The following RFX3 variants were observed in gnomAD, a reference collection of about 807,000 sequenced individuals.
RFX3 encodes the protein transcription factor RFX3.
Under a neutral mutation model 98.6 loss-of-function variants are expected in RFX3, and 14 were observed. That is an observed-to-expected ratio of 0.14 (90% CI 0.09 to 0.22). The LOEUF is 0.22. Ranked by LOEUF, RFX3 falls within the 10% of genes least tolerant of loss-of-function variation. RFX3 has a pLI of 1.00. For synonymous variants in RFX3, 383 were observed against 328.4 expected (o/e 1.17, Z -1.80); for missense variants, 639 against 926.9 (o/e 0.69, Z 4.03).
chr9:3,394,941 A>G, intron 2 of RFX3: 1 of 475,192 alleles, frequency 2.1e-6, no homozygotes, highest in African/African-American at 2.1e-5. Context: ...CTTTTTAAAT[A>G]GCTTGAGTCA....
At chr9:3,447,884 T>C (rs1846187821) in intron 1 of RFX3, among the ~76,000 whole-genome samples, 1 of 152,182 alleles carries the variant, frequency 6.6e-6, no homozygotes. Context: ...TAAAAGTCCC[T>C]TGTCTGCTTG....
intron 1 of RFX3, among the ~76,000 whole-genome samples, chr9:3,522,745 T>C (rs1303440569): frequency 6.6e-6 from 1 of 152,138 alleles, no homozygotes; most frequent in Non-Finnish European, 1.5e-5. Context: ...TCTCAAGAAA[T>C]GAAAAATGTT....
chr9:3,524,980 G>C (rs978986503), intron 1 of RFX3, among the ~76,000 whole-genome samples: 2 of 151,402 alleles, frequency 1.3e-5, no homozygotes, highest in African/African-American at 4.9e-5. Context: ...ATGTGTGCAA[G>C]GGGTGTGTGG....
chr9:3,252,090 C>T (rs552994139), intron 14 of RFX3, among the ~76,000 whole-genome samples: 82 of 151,658 alleles, frequency 5.4e-4, no homozygotes, highest in African/African-American at 1.9e-3. Flanking sequence ...TCAGGTGATC[C>T]GCCCACCTCG....
At chr9:3,472,042 A>C (rs1233395327) in intron 1 of RFX3, among the ~76,000 whole-genome samples, 2 of 152,116 alleles carry the variant, frequency 1.3e-5, no homozygotes, top group Non-Finnish European at 2.9e-5. Context: ...CTTTTTTTGG[A>C]CTTTATCAGT....
intron 3 of RFX3, among the ~76,000 whole-genome samples, chr9:3,338,580 C>T (rs749136166): frequency 3.9e-5 from 6 of 152,200 alleles, no homozygotes; most frequent in Middle Eastern, 6.8e-3. Context: ...CAGAATCACC[C>T]GGAGTGCCTG....
At chr9:3,480,918 T>G (rs1849705757) in intron 1 of RFX3, among the ~76,000 whole-genome samples, 1 of 152,162 alleles carries the variant, frequency 6.6e-6, no homozygotes, top group African/African-American at 2.4e-5. Flanking sequence ...TCAACCTAGC[T>G]AGGCTCCATT....
chr9:3,331,646 C>CT (rs1563939160), intron 3 of RFX3, among the ~76,000 whole-genome samples: 2 of 151,876 alleles, frequency 1.3e-5, no homozygotes, highest in South Asian at 4.1e-4. Context: ...CCACTTTTTG[C>CT]TTTTTACCAT....
intron 2 of RFX3, among the ~76,000 whole-genome samples, chr9:3,392,856 A>T (rs956192980): frequency 6.6e-6 from 1 of 152,196 alleles, no homozygotes; most frequent in African/African-American, 2.4e-5. Flanking sequence ...GTTTTACAGG[A>T]AAGGAAGGTA....
chr9:3,463,168 G>A (rs867085826), intron 1 of RFX3, among the ~76,000 whole-genome samples: 2 of 152,088 alleles, frequency 1.3e-5, no homozygotes, highest in South Asian at 4.1e-4. Context: ...CAAGAAAATA[G>A]GGTATTGTCA....
At chr9:3,244,717 C>A (rs535371116) in intron 15 of RFX3, among the ~76,000 whole-genome samples, 20 of 152,324 alleles carry the variant, frequency 1.3e-4, no homozygotes, top group African/African-American at 4.8e-4. Context: ...CCCTGGTCCT[C>A]CCAGGCTAGA....
intron 1 of RFX3, among the ~76,000 whole-genome samples, chr9:3,437,131 G>T (rs778636732): frequency 1.3e-5 from 2 of 152,042 alleles, no homozygotes; most frequent in Non-Finnish European, 2.9e-5. Context: ...CCACATTAAT[G>T]AAAGGAAAAT....
At chr9:3,231,270 C>G (rs888105126) in intron 15 of RFX3, among the ~76,000 whole-genome samples, 8 of 152,104 alleles carry the variant, frequency 5.3e-5, no homozygotes, top group African/African-American at 1.9e-4. Flanking sequence ...TAAGATTTTA[C>G]TATCCTATAG....
chr9:3,398,123 A>C (rs1393476953), intron 1 of RFX3, among the ~76,000 whole-genome samples: 3 of 152,138 alleles, frequency 2.0e-5, no homozygotes, highest in Non-Finnish European at 4.4e-5. Flanking sequence ...TGTAGTACTG[A>C]TCTCCAAACA....
In RFX3 at chr9:3,270,668, A is replaced by G. The variant is rs889325560; in HGVS notation, c.1203-143T>C. 21 of 803,116 alleles carry G rather than the reference A, an allele frequency of 2.6e-5. No homozygotes were observed. The African/African-American group carries it at 3.5e-4, about 13-fold the overall frequency. 49.7% of individuals were successfully genotyped at this position (803,116 alleles called of 1,614,324 possible). A position where few individuals can be genotyped will look rare whatever the true frequency, so the allele number is the denominator to read the frequency against. On this transcript the variant is annotated intron_variant, in intron 10 of 16. Coordinates refer to ENST00000617270, the MANE Select transcript of RFX3 (RefSeq NM_001282116.2). ...GCACTGGTGCCATACAGCTGGCTAT[A>G]TATACCGAGAGAGACAGACAGATAT...
chr9:3,306,418 G>C (rs1829320162), intron 4 of RFX3, among the ~76,000 whole-genome samples: 1 of 151,894 alleles, frequency 6.6e-6, no homozygotes, highest in South Asian at 2.1e-4. Flanking sequence ...AACTAGCAGA[G>C]TTTCATAAAT....
intron 1 of RFX3, among the ~76,000 whole-genome samples, chr9:3,424,117 A>C (rs552328568): frequency 9.3e-5 from 14 of 150,662 alleles, no homozygotes; most frequent in South Asian, 8.4e-4. Context: ...ACTACACTCC[A>C]GCCTGGGCGA....
chr9:3,333,781 C>G (rs1191810103), intron 3 of RFX3, among the ~76,000 whole-genome samples: 1 of 152,016 alleles, frequency 6.6e-6, no homozygotes, highest in South Asian at 2.1e-4. Context: ...TTTTCATCAT[C>G]CAAGCAGGAT....
intron 1 of RFX3, among the ~76,000 whole-genome samples, chr9:3,461,084 T>G (rs1408913121): frequency 2.7e-5 from 4 of 150,470 alleles, no homozygotes; most frequent in Non-Finnish European, 5.9e-5. Context: ...AATATTTATT[T>G]AAAATATTTA....
Sources: allele counts gnomAD v4.1 joint callset (sites outside exome capture counted in the v4.1 genomes callset), GRCh38; gene constraint gnomAD v4.1.1; transcripts MANE v1.5; gene names NCBI Gene and HGNC (gene_info 2026-07-23, HGNC 2026-07-21).